LIMCH1: variants seen among roughly 807,000 people sequenced by gnomAD.
The protein encoded by LIMCH1 is LIM and calponin homology domains-containing protein 1.
Under a neutral mutation model 176.5 loss-of-function variants are expected in LIMCH1, and 113 were observed. That is an observed-to-expected ratio of 0.64 (90% CI 0.55 to 0.75). The LOEUF (loss-of-function observed/expected upper bound fraction) is 0.75. Among genes scored for constraint, LIMCH1 ranks in the 30% least tolerant of loss-of-function variants. The probability of loss-of-function intolerance (pLI) is 0.00; values close to 1 mark genes in which losing one functional copy is unlikely to be tolerated. For synonymous variants in LIMCH1, 619 were observed against 645.9 expected, an observed-to-expected ratio of 0.96 and a Z score of 0.63; for missense variants, 1,674 against 1,814.9, an observed-to-expected ratio of 0.92 and a Z score of 1.41.
intron 15 of LIMCH1, 95 bp from the exon 16 acceptor site, chr4:41,646,028 T>TTCTAC: frequency 7.8e-7 from 1 of 1,287,014 alleles, no homozygotes; most frequent in Non-Finnish European, 1.1e-6. Flanking sequence ...CCATAGTCAG[T>TTCTAC]TCTCTAAAGA....
At chr4:41,591,813 G>GT (rs531018690) in intron 1 of LIMCH1, among the ~76,000 whole-genome samples, 28 of 152,120 alleles carry the variant, frequency 1.8e-4, no homozygotes, top group Non-Finnish European at 3.1e-4. Flanking sequence ...CCCTATTGGG[G>GT]TAAAAGAAAT....
intron 1 of LIMCH1, among the ~76,000 whole-genome samples, chr4:41,413,218 G>GTTT (rs59105322): frequency 7.2e-6 from 1 of 139,858 alleles, no homozygotes. Flanking sequence ...GACATAATAA[G>GTTT]TTTTTTTTTT....
At chr4:41,493,766 C>T (rs1257835311) in intron 1 of LIMCH1, among the ~76,000 whole-genome samples, 2 of 152,168 alleles carry the variant, frequency 1.3e-5, no homozygotes, top group East Asian at 3.9e-4. Context: ...CAAATGTCTC[C>T]CTGGTGCCTA....
chr4:41,466,235 G>A (rs1040043710), intron 1 of LIMCH1, among the ~76,000 whole-genome samples: 1 of 152,298 alleles, frequency 6.6e-6, no homozygotes. Context: ...GGGATTACAG[G>A]CGTGAGCCAC....
intron 19 of LIMCH1, among the ~76,000 whole-genome samples, chr4:41,662,114 C>T (rs2094646209): frequency 6.6e-6 from 1 of 152,100 alleles, no homozygotes; most frequent in South Asian, 2.1e-4. Context: ...TTTTATAAGG[C>T]CTTTCTCCAG....
chr4:41,549,074 G>A (rs1486006201), intron 1 of LIMCH1, among the ~76,000 whole-genome samples: 1 of 150,194 alleles, frequency 6.7e-6, no homozygotes, highest in African/African-American at 2.4e-5. Flanking sequence ...TTTTTTTAAA[G>A]ACACTTGGTC....
chr4:41,377,072 A>G lies in LIMCH1; in HGVS notation c.96+16136A>G, dbSNP rs541355767. ...ATTAAGACTTTCAGATGTATGTACAATATTGCAGCATAACAAACCACCCCC... is the reference window on the plus strand; with the variant it reads ...ATTAAGACTTTCAGATGTATGTACAGTATTGCAGCATAACAAACCACCCCC... On this transcript the variant is annotated intron_variant, in intron 1 of 26. Coordinates refer to the LIMCH1 transcript ENST00000313860. Among the ~76,000 whole-genome samples the G allele has an allele frequency of 9.2e-5, 14 of 152,334 alleles. No individual in the cohort carries two copies. The South Asian group carries it at 2.9e-3, about 32-fold the overall frequency.
intron 1 of LIMCH1, among the ~76,000 whole-genome samples, chr4:41,366,720 T>C (rs1365905210): frequency 6.6e-6 from 1 of 152,222 alleles, no homozygotes; most frequent in Non-Finnish European, 1.5e-5. Context: ...TAAGATGTTA[T>C]ATTTCAAGGA....
chr4:41,459,337 G>C (rs920732285), intron 1 of LIMCH1, among the ~76,000 whole-genome samples: 1 of 151,852 alleles, frequency 6.6e-6, no homozygotes, highest in Non-Finnish European at 1.5e-5. Context: ...GTCTTGCTCT[G>C]TCACCCAGGC....
intron 1 of LIMCH1, among the ~76,000 whole-genome samples, chr4:41,391,675 C>A (rs2057256545): frequency 6.6e-6 from 1 of 152,022 alleles, no homozygotes; most frequent in Admixed American, 6.6e-5. Flanking sequence ...CAGACAAGCC[C>A]AAATTGAGGG....
chr4:41,578,596 C>A (rs1193433255), intron 1 of LIMCH1, among the ~76,000 whole-genome samples: 1 of 152,116 alleles, frequency 6.6e-6, no homozygotes, highest in Non-Finnish European at 1.5e-5. Context: ...GGGTAAAACT[C>A]TTTCTCTGCT....
chr4:41,548,393 T>C (rs577878466), intron 1 of LIMCH1, among the ~76,000 whole-genome samples: 24 of 152,284 alleles, frequency 1.6e-4, no homozygotes, highest in East Asian at 9.7e-4. Context: ...TACCTGATAA[T>C]GAGAAACTCA....
At chr4:41,552,395 A>C (rs1236406605) in intron 1 of LIMCH1, among the ~76,000 whole-genome samples, 1 of 152,146 alleles carries the variant, frequency 6.6e-6, no homozygotes, top group East Asian at 1.9e-4. Flanking sequence ...AAAACATGGC[A>C]TGTGCCACGC....
intron 22 of LIMCH1, among the ~76,000 whole-genome samples, chr4:41,673,980 A>T (rs929102527): frequency 2.0e-5 from 3 of 152,224 alleles, no homozygotes; most frequent in Non-Finnish European, 4.4e-5. Context: ...AGGCTGGGCC[A>T]CTTGGCTAGC....
chr4:41,486,464 G>A (rs2069552248), intron 1 of LIMCH1, among the ~76,000 whole-genome samples: 1 of 152,194 alleles, frequency 6.6e-6, no homozygotes, highest in South Asian at 2.1e-4. Flanking sequence ...TATAGCAATG[G>A]CTTATGCTGT....
At chr4:41,574,295 C>T (rs1338978952) in intron 1 of LIMCH1, among the ~76,000 whole-genome samples, 2 of 84,130 alleles carry the variant, frequency 2.4e-5, no homozygotes, top group East Asian at 4.5e-4. Flanking sequence ...CTCCCCTCCC[C>T]TCCCCTCTCC....
chr4:41,443,183 G>GTTTTTTTTTTTTTTTTTTT (rs1265290139), intron 1 of LIMCH1, among the ~76,000 whole-genome samples: 1 of 27,374 alleles, frequency 3.7e-5, no homozygotes, highest in African/African-American at 5.0e-4. Flanking sequence ...CATATTGGAT[G>GTTTTTTTTTTTTTTTTTTT]TTTTTTTTCT....
At chr4:41,371,492 T>C (rs1191365508) in intron 1 of LIMCH1, among the ~76,000 whole-genome samples, 1 of 152,156 alleles carries the variant, frequency 6.6e-6, no homozygotes, top group Non-Finnish European at 1.5e-5. Flanking sequence ...CCCCACTGGA[T>C]TCAAATAGTC....
chr4:41,476,396 G>A (rs779464415), intron 1 of LIMCH1, among the ~76,000 whole-genome samples: 8 of 152,292 alleles, frequency 5.3e-5, no homozygotes, highest in South Asian at 4.1e-4. Context: ...TGCTGTGGGC[G>A]TTGTTCGTGG....
Sources: allele counts gnomAD v4.1 joint callset (sites outside exome capture counted in the v4.1 genomes callset), GRCh38; gene constraint gnomAD v4.1.1; transcripts MANE v1.5; gene names NCBI Gene and HGNC (gene_info 2026-07-23, HGNC 2026-07-21).